The following FAF1 variants were observed in gnomAD, a reference collection of about 807,000 sequenced individuals.
FAF1 encodes Fas associated factor 1, also known as FAS-associated factor 1.
FAF1 carries 25 observed loss-of-function variants against 92.5 expected under a neutral mutation model. The ratio of observed to expected loss-of-function variants is 0.27; its 90% confidence interval spans 0.20 to 0.38. The LOEUF (loss-of-function observed/expected upper bound fraction) is 0.38, where lower values mean the gene tolerates loss of function less well. Among genes scored for constraint, FAF1 ranks in the 10% least tolerant of loss-of-function variants. The probability of loss-of-function intolerance (pLI) is 1.00; values close to 1 mark genes in which losing one functional copy is unlikely to be tolerated. For synonymous variants in FAF1, 234 were observed against 273.2 expected (o/e 0.86, Z 1.42); for missense variants, 636 against 793.3 (o/e 0.80, Z 2.38).
At chr1:50,886,979 C>G (rs905159024) in intron 1 of FAF1, among the ~76,000 whole-genome samples, 11 of 152,120 alleles carry the variant, frequency 7.2e-5, no homozygotes, top group African/African-American at 2.2e-4. Context: ...GGTTGAACTA[C>G]TTTACAGTCC....
intron 13 of FAF1, among the ~76,000 whole-genome samples, chr1:50,557,702 T>C (rs563419055): frequency 6.6e-6 from 1 of 152,258 alleles, no homozygotes; most frequent in African/African-American, 2.4e-5. Context: ...TCAGTGTTTA[T>C]AGAAGAGGAG....
At chr1:50,873,062 A>G (rs1251933187) in intron 1 of FAF1, among the ~76,000 whole-genome samples, 1 of 152,114 alleles carries the variant, frequency 6.6e-6, no homozygotes, top group African/African-American at 2.4e-5. Flanking sequence ...GTCAGCACCT[A>G]TCAACGTTGA....
At chr1:50,542,361 G>A (rs531131632) in intron 13 of FAF1, among the ~76,000 whole-genome samples, 1 of 152,234 alleles carries the variant, frequency 6.6e-6, no homozygotes, top group South Asian at 2.1e-4. Context: ...CTTTCTCATG[G>A]CTAGGAGACT....
intron 8 of FAF1, among the ~76,000 whole-genome samples, chr1:50,610,381 AAAG>A (rs1652634035): frequency 6.6e-6 from 1 of 152,242 alleles, no homozygotes; most frequent in Admixed American, 6.5e-5. Context: ...CTTACCACAA[AAAG>A]AAGCATGGAA....
intron 15 of FAF1, among the ~76,000 whole-genome samples, chr1:50,530,506 G>A (rs1044252665): frequency 1.3e-5 from 2 of 151,670 alleles, no homozygotes; most frequent in Non-Finnish European, 1.5e-5. Context: ...AGGGTGGTGG[G>A]GGGAGGTGGG....
At chr1:50,807,528 C>T (rs1350136815) in intron 2 of FAF1, among the ~76,000 whole-genome samples, 2 of 152,110 alleles carry the variant, frequency 1.3e-5, no homozygotes, top group Non-Finnish European at 2.9e-5. Context: ...TAAATCCACC[C>T]CCATGGTCCA....
Position 50,462,655 on chromosome 1 carries a change from G to A in FAF1, c.1869+12809C>T, listed in dbSNP as rs112702917. On this transcript the variant is annotated intron_variant, in intron 18 of 18. Coordinates refer to ENST00000396153, the MANE Select transcript of FAF1 (RefSeq NM_007051.3). ...CCATTATAGAATCTGGGGCAAATTT[G>A]CATTGAACACGCTGATACTCTACAA... is the stretch of plus-strand genomic sequence containing the variant. Among the ~76,000 whole-genome samples the A allele has an allele frequency of 2.8e-3, 419 of 152,266 alleles. 3 individuals carry two copies. Among genetic ancestry groups the A allele is most frequent in the African/African-American group, 9.5e-3 (396 of 41,532 alleles).
intron 7 of FAF1, among the ~76,000 whole-genome samples, chr1:50,694,072 CATGACATATAT>C (rs1460482297): frequency 1.5e-5 from 2 of 136,938 alleles, no homozygotes; most frequent in Non-Finnish European, 3.0e-5. Context: ...ATGACATATA[CATGACATATAT>C]ATAAAAAAAA....
intron 1 of FAF1, among the ~76,000 whole-genome samples, chr1:50,920,455 C>T (rs745547253): frequency 1.6e-4 from 24 of 152,238 alleles, no homozygotes; most frequent in South Asian, 2.1e-4. Context: ...GTCACTGATA[C>T]GTGGCAGATG....
chr1:50,897,410 A>G (rs1387548211), intron 1 of FAF1, among the ~76,000 whole-genome samples: 1 of 152,258 alleles, frequency 6.6e-6, no homozygotes, highest in Non-Finnish European at 1.5e-5. Flanking sequence ...TATATTAAAT[A>G]AATGGATAAA....
intron 8 of FAF1, 90 bp from the exon 9 acceptor site, chr1:50,596,306 G>T: frequency 1.1e-6 from 1 of 901,524 alleles, no homozygotes; most frequent in Non-Finnish European, 1.8e-6. Flanking sequence ...TATTATTGCT[G>T]AAGCTAGATT....
At chr1:50,597,744 T>C (rs1572859135) in intron 8 of FAF1, among the ~76,000 whole-genome samples, 2 of 152,170 alleles carry the variant, frequency 1.3e-5, no homozygotes, top group Admixed American at 6.5e-5. Flanking sequence ...CAGCTGTCAA[T>C]GATTGAAATA....
At chr1:50,614,288 G>T (rs1652808117) in intron 8 of FAF1, among the ~76,000 whole-genome samples, 1 of 152,150 alleles carries the variant, frequency 6.6e-6, no homozygotes, top group Admixed American at 6.5e-5. Context: ...TCTGAAAGCT[G>T]TGAAGTGTTA....
At chr1:50,864,201 C>T (rs759567652) in intron 1 of FAF1, among the ~76,000 whole-genome samples, 1,994 of 149,944 alleles carry the variant, frequency 0.013, 17 homozygotes, top group Middle Eastern at 0.02. Flanking sequence ...GTCTCTATTT[C>T]CTTCAGTTCT....
chr1:50,817,160 T>C (rs1254084044), intron 2 of FAF1, among the ~76,000 whole-genome samples: 1 of 152,164 alleles, frequency 6.6e-6, no homozygotes, highest in Non-Finnish European at 1.5e-5. Context: ...GCTTTGGCTA[T>C]TCATAAAAGA....
At chr1:50,504,670 A>G (rs1396071568) in intron 15 of FAF1, among the ~76,000 whole-genome samples, 1 of 152,234 alleles carries the variant, frequency 6.6e-6, no homozygotes, top group African/African-American at 2.4e-5. Flanking sequence ...AAACTCCTAA[A>G]CTGAATAAAC....
At chr1:50,610,015 T>C (rs1652615503) in intron 8 of FAF1, among the ~76,000 whole-genome samples, 1 of 152,194 alleles carries the variant, frequency 6.6e-6, no homozygotes, top group Admixed American at 6.5e-5. Context: ...TCATTAGTGA[T>C]TTGAATTAGT....
chr1:50,662,486 T>C lies in FAF1; in HGVS notation c.658-6958A>G, dbSNP rs181411693. Among the ~76,000 whole-genome samples the C allele has an allele frequency of 2.2e-3, 337 of 152,222 alleles. 3 individuals carry two copies. The highest frequency in any genetic ancestry group is 7.7e-3 in the African/African-American group (319 of 41,520). On this transcript the variant is annotated intron_variant, in intron 7 of 18. Transcript: ENST00000396153. ...AAATATGTAAACTAATTTAAATATATTAAGTTGGAGACGGATTTTGGCCAT... is the reference window on the plus strand; with the variant it reads ...AAATATGTAAACTAATTTAAATATACTAAGTTGGAGACGGATTTTGGCCAT...
At position 50,547,858 on chromosome 1, in the gene FAF1, T is replaced by C. The variant is rs185871629; in HGVS notation, c.1269-8130A>G. Among the ~76,000 whole-genome samples, 315 of 152,322 alleles carry C rather than the reference T, an allele frequency of 2.1e-3. 2 individuals are homozygous for C. The highest frequency in any genetic ancestry group is 6.8e-3 in the Middle Eastern group (2 of 294). Reference sequence around the variant, plus strand: ...TTATCCTAAGTTTTTTGAGGAACAATAATCATAAATAATAATTGGCTTTTT... The same window carrying C: ...TTATCCTAAGTTTTTTGAGGAACAACAATCATAAATAATAATTGGCTTTTT... On this transcript the variant is annotated intron_variant, in intron 13 of 18. Coordinates refer to ENST00000396153, the MANE Select transcript of FAF1 (RefSeq NM_007051.3).
Sources: allele counts gnomAD v4.1 joint callset (sites outside exome capture counted in the v4.1 genomes callset), GRCh38; gene constraint gnomAD v4.1.1; transcripts MANE v1.5; gene names NCBI Gene and HGNC (gene_info 2026-07-23, HGNC 2026-07-21).